Variants in DPP6 observed in about 807,000 individuals in gnomAD.
DPP6 encodes A-type potassium channel modulatory protein DPP6.
Under a neutral mutation model 122.6 loss-of-function variants are expected in DPP6, and 69 were observed. That is an observed-to-expected ratio of 0.56 (90% CI 0.46 to 0.69). DPP6 has a LOEUF of 0.69. DPP6 is among the 30% of genes least tolerant of loss of function. DPP6 has a pLI of 0.00. For synonymous variants in DPP6, 418 were observed against 433.1 expected (o/e 0.97, Z 0.43); for missense variants, 928 against 1,116.9 (o/e 0.83, Z 2.41).
intron 3 of DPP6, among the ~76,000 whole-genome samples, chr7:154,522,130 A>T (rs55864216): frequency 0.03 from 4,621 of 151,870 alleles, 229 homozygotes; most frequent in African/African-American, 0.1. Flanking sequence ...CGCCCGGCTA[A>T]TTTTTGTTGT....
the DPP6 span, among the ~76,000 whole-genome samples, chr7:153,844,538 C>T: frequency 6.6e-6 from 1 of 152,164 alleles, no homozygotes; most frequent in Non-Finnish European, 1.5e-5. Context: ...TTGTACATTA[C>T]AATTAGAACC....
chr7:154,619,029 G>C (rs1385284630), intron 5 of DPP6, among the ~76,000 whole-genome samples: 1 of 152,140 alleles, frequency 6.6e-6, no homozygotes, highest in Non-Finnish European at 1.5e-5. Flanking sequence ...ATAAAGGGCA[G>C]TTCCCCTCCA....
At chr7:154,057,133 T>TG (rs1800896180) in intron 1 of DPP6, among the ~76,000 whole-genome samples, 1 of 152,224 alleles carries the variant, frequency 6.6e-6, no homozygotes, top group African/African-American at 2.4e-5. Flanking sequence ...AGTGAATACA[T>TG]GCTGCTGCTG....
intron 6 of DPP6, among the ~76,000 whole-genome samples, chr7:154,647,283 CCTTTA>C (rs1329336904): frequency 2.6e-5 from 4 of 152,132 alleles, no homozygotes; most frequent in Non-Finnish European, 2.9e-5. Context: ...CCTGCTCGCC[CCTTTA>C]CTTGCTGCCC....
intron 1 of DPP6, among the ~76,000 whole-genome samples, chr7:154,345,532 A>G (rs1400019732): frequency 6.6e-6 from 1 of 152,056 alleles, no homozygotes; most frequent in Non-Finnish European, 1.5e-5. Context: ...GGGAAGATCC[A>G]TTTGCTGATA....
the DPP6 span, among the ~76,000 whole-genome samples, chr7:153,871,644 G>A: frequency 2.9e-3 from 445 of 152,232 alleles, 4 homozygotes; most frequent in African/African-American, 9.8e-3. Flanking sequence ...CGCACAGTGC[G>A]CTGCACCCAC....
intron 1 of DPP6, among the ~76,000 whole-genome samples, chr7:154,114,451 AAACTAACCTTTAT>A (rs1806833515): frequency 6.6e-6 from 1 of 152,168 alleles, no homozygotes. Flanking sequence ...ACAATAATAA[AAACTAACCTTTAT>A]TTAATTATTG....
chr7:154,644,709 T>C (rs1836330673), intron 6 of DPP6, among the ~76,000 whole-genome samples: 1 of 135,414 alleles, frequency 7.4e-6, no homozygotes, highest in Admixed American at 7.3e-5. Context: ...AAAATGGCTT[T>C]TTTTTTTTTT....
intron 8 of DPP6, among the ~76,000 whole-genome samples, chr7:154,750,961 G>A (rs375826846): frequency 6.6e-6 from 1 of 152,214 alleles, no homozygotes; most frequent in African/African-American, 2.4e-5. Context: ...AGAGCACGTA[G>A]ATTTCAGAGC....
chr7:153,889,721 G>A (rs752727072), intron 1 of DPP6, among the ~76,000 whole-genome samples: 3 of 152,268 alleles, frequency 2.0e-5, no homozygotes, highest in Non-Finnish European at 4.4e-5. Context: ...CCCTTCCCCT[G>A]TGTCTAATGT....
At chr7:154,323,996 T>G (rs529813891) in intron 1 of DPP6, among the ~76,000 whole-genome samples, 1 of 152,194 alleles carries the variant, frequency 6.6e-6, no homozygotes, top group Non-Finnish European at 1.5e-5. Context: ...CAGACCCATA[T>G]TTTCCAATGA....
At chr7:154,532,988 A>G (rs1420078297) in intron 3 of DPP6, among the ~76,000 whole-genome samples, 1 of 152,158 alleles carries the variant, frequency 6.6e-6, no homozygotes, top group Non-Finnish European at 1.5e-5. Flanking sequence ...GAAGAAAGGA[A>G]TTTCCTTATT....
In DPP6 at chr7:154,611,411, A is replaced by G. The variant is rs536517719; in HGVS notation, c.628-26410A>G. ...TAGTGGTTCAGCAAATGTTTGTGGG[A>G]TGCCAAAAAAGCCCCCACAACAAAA... On this transcript the variant is annotated intron_variant, in intron 5 of 25. Transcript: ENST00000377770. Among the ~76,000 whole-genome samples the G allele has an allele frequency of 5.3e-5, 8 of 152,296 alleles. No individual in the cohort carries two copies. In the South Asian group the frequency reaches 1.7e-3, roughly 32 times the overall value.
chr7:154,095,527 A>G (rs947507009), intron 1 of DPP6: 3 of 140,956 alleles, frequency 2.1e-5, no homozygotes, highest in Non-Finnish European at 4.7e-5. Context: ...CTAAAGCAGC[A>G]CCAGTCCTAA....
intron 5 of DPP6, among the ~76,000 whole-genome samples, chr7:154,592,301 A>G (rs1003448383): frequency 6.6e-5 from 10 of 152,226 alleles, no homozygotes; most frequent in African/African-American, 2.4e-4. Context: ...AGAAGAAGAA[A>G]GAAGATGCAT....
chr7:154,115,101 C>T (rs533473640), intron 1 of DPP6, among the ~76,000 whole-genome samples: 1 of 152,316 alleles, frequency 6.6e-6, no homozygotes, highest in Admixed American at 6.5e-5. Context: ...TCGGGCTGCC[C>T]CTGTAATATG....
At chr7:154,036,150 C>T (rs1172531693) in intron 1 of DPP6, among the ~76,000 whole-genome samples, 1 of 151,712 alleles carries the variant, frequency 6.6e-6, no homozygotes, top group African/African-American at 2.4e-5. Flanking sequence ...CACTCTGTTA[C>T]CCAGGCTGGA....
At chr7:153,820,309 T>C in the DPP6 span, among the ~76,000 whole-genome samples, 2 of 152,240 alleles carry the variant, frequency 1.3e-5, no homozygotes, top group Non-Finnish European at 2.9e-5. Context: ...GGTACATTAC[T>C]TAAGGTTCTT....
chr7:153,881,225 G>A, the DPP6 span, among the ~76,000 whole-genome samples: 1 of 152,214 alleles, frequency 6.6e-6, no homozygotes, highest in Non-Finnish European at 1.5e-5. Flanking sequence ...TTCAAGTTGG[G>A]ATGCAAAGGC....
Sources: allele counts gnomAD v4.1 joint callset (sites outside exome capture counted in the v4.1 genomes callset), GRCh38; gene constraint gnomAD v4.1.1; transcripts MANE v1.5; gene names NCBI Gene and HGNC (gene_info 2026-07-23, HGNC 2026-07-21).